The following GPC5 variants were observed in gnomAD, a reference collection of about 807,000 sequenced individuals.
GPC5 encodes the protein glypican 5.
GPC5 carries 47 observed loss-of-function variants against 53.9 expected under a neutral mutation model. That is an observed-to-expected ratio of 0.87 (90% CI 0.69 to 1.11). The LOEUF (loss-of-function observed/expected upper bound fraction) is 1.11, where lower values mean the gene tolerates loss of function less well. Among genes scored for constraint, GPC5 ranks in the 50% most tolerant of loss-of-function variants. The probability of loss-of-function intolerance (pLI) is 0.00; values close to 1 mark genes in which losing one functional copy is unlikely to be tolerated. For missense variants in GPC5, 748 were observed against 713.1 expected (o/e 1.05, Z -0.56); for synonymous variants, 286 against 263.3 (o/e 1.09, Z -0.84).
chr13:92,557,295 G>C (rs1428163656), intron 7 of GPC5, among the ~76,000 whole-genome samples: 1 of 151,940 alleles, frequency 6.6e-6, no homozygotes, highest in Non-Finnish European at 1.5e-5. Context: ...TTACCATGTT[G>C]ATGTGGTTAA....
chr13:92,837,755 T>C (rs1442624553), intron 7 of GPC5, among the ~76,000 whole-genome samples: 6 of 152,072 alleles, frequency 3.9e-5, no homozygotes, highest in African/African-American at 1.4e-4. Flanking sequence ...ACAGAAACTC[T>C]GGAAGGCTGG....
At chr13:92,524,877 A>C (rs970082952) in intron 7 of GPC5, among the ~76,000 whole-genome samples, 2 of 152,142 alleles carry the variant, frequency 1.3e-5, no homozygotes, top group Non-Finnish European at 2.9e-5. Flanking sequence ...GAATGAATTC[A>C]ACACAAGATA....
chr13:92,728,846 A>C (rs1888720783), intron 7 of GPC5, among the ~76,000 whole-genome samples: 1 of 151,416 alleles, frequency 6.6e-6, no homozygotes, highest in South Asian at 2.1e-4. Flanking sequence ...TAATTACTCA[A>C]TTTTAAAGTT....
chr13:92,507,106 T>C (rs1392780752), intron 7 of GPC5, among the ~76,000 whole-genome samples: 2 of 152,202 alleles, frequency 1.3e-5, no homozygotes, highest in East Asian at 3.9e-4. Context: ...TAATCATTTC[T>C]ACCCTTTCTT....
intron 7 of GPC5, among the ~76,000 whole-genome samples, chr13:92,350,015 A>T (rs2043462458): frequency 6.6e-6 from 1 of 152,192 alleles, no homozygotes; most frequent in Non-Finnish European, 1.5e-5. Context: ...ATTTATCAAC[A>T]CATTAAAGGG....
chr13:91,904,967 G>A (rs557539186), intron 5 of GPC5, among the ~76,000 whole-genome samples: 8 of 151,992 alleles, frequency 5.3e-5, no homozygotes, highest in Admixed American at 1.3e-4. Context: ...ATTGACTGAG[G>A]GGCAAATGCA....
At chr13:92,708,828 C>T (rs534549854) in intron 7 of GPC5, among the ~76,000 whole-genome samples, 1 of 140,700 alleles carries the variant, frequency 7.1e-6, no homozygotes, top group African/African-American at 2.7e-5. Flanking sequence ...TTTACATGTG[C>T]CTACTAGCAG....
At chr13:92,616,652 A>G (rs546730365) in intron 7 of GPC5, among the ~76,000 whole-genome samples, 123 of 152,318 alleles carry the variant, frequency 8.1e-4, no homozygotes, top group African/African-American at 2.9e-3. Flanking sequence ...TATTGGACAT[A>G]TTTATACAAA....
intron 2 of GPC5, among the ~76,000 whole-genome samples, chr13:91,513,296 T>A (rs1885329608): frequency 6.6e-6 from 1 of 152,184 alleles, no homozygotes; most frequent in Non-Finnish European, 1.5e-5. Flanking sequence ...ACTAGGATAA[T>A]AACATTGATA....
At chr13:92,821,242 C>G (rs747261872) in intron 7 of GPC5, among the ~76,000 whole-genome samples, 17 of 152,168 alleles carry the variant, frequency 1.1e-4, no homozygotes, top group Non-Finnish European at 1.9e-4. Context: ...TATTAATGCT[C>G]TGCATTCCAT....
intron 4 of GPC5, among the ~76,000 whole-genome samples, chr13:91,754,403 G>A (rs1365731874): frequency 1.3e-5 from 2 of 152,072 alleles, no homozygotes; most frequent in East Asian, 3.8e-4. Flanking sequence ...AAGAGGACTG[G>A]AAAAGAAAGA....
At chr13:91,870,849 T>A (rs1008679150) in intron 5 of GPC5, among the ~76,000 whole-genome samples, 15 of 152,214 alleles carry the variant, frequency 9.9e-5, no homozygotes, top group African/African-American at 1.4e-4. Context: ...CCGTGTTGCA[T>A]TTGGAAGGAA....
At chr13:92,287,929 G>A (rs9523594) in intron 7 of GPC5, among the ~76,000 whole-genome samples, 12,993 of 151,686 alleles carry the variant, frequency 0.086, 620 homozygotes, top group Middle Eastern at 0.12. Context: ...ACATCTCGTG[G>A]GCTCTGTTCA....
At chr13:92,608,558 A>T (rs1246157161) in intron 7 of GPC5, among the ~76,000 whole-genome samples, 2 of 152,300 alleles carry the variant, frequency 1.3e-5, no homozygotes, top group South Asian at 2.1e-4. Context: ...TTTGTAATAT[A>T]AATGCATTAT....
chr13:91,809,971 T>A (rs560936398), intron 5 of GPC5, among the ~76,000 whole-genome samples: 1 of 152,140 alleles, frequency 6.6e-6, no homozygotes, highest in South Asian at 2.1e-4. Context: ...GGATTCAGAT[T>A]TTTCTCAGGG....
At chr13:91,977,616 G>C (rs185950553) in intron 6 of GPC5, among the ~76,000 whole-genome samples, 4 of 152,016 alleles carry the variant, frequency 2.6e-5, no homozygotes, top group African/African-American at 7.3e-5. Context: ...ATGCAAAAAA[G>C]GGCATTCTAA....
rs533542133 is a variant in GPC5, at chr13:92,287,028, CT to C, written c.1561+142041del. Among the ~76,000 whole-genome samples, 361 of 152,280 alleles carry C rather than the reference CT, an allele frequency of 2.4e-3. 1 individual carries two copies. Among genetic ancestry groups the C allele is most frequent in the South Asian group, 0.021 (100 of 4,828 alleles). On this transcript the variant is annotated intron_variant, in intron 7 of 7. Transcript: ENST00000377067. Reference sequence around the variant, plus strand: ...ACCATGTTGTCACCTTTATCTTGGACTTGTAGCCTCCAGATCTACAGAGAAG... The same window carrying C: ...ACCATGTTGTCACCTTTATCTTGGACTGTAGCCTCCAGATCTACAGAGAAG...
chr13:92,191,279 T>A (rs2042221026), intron 7 of GPC5, among the ~76,000 whole-genome samples: 1 of 152,116 alleles, frequency 6.6e-6, no homozygotes, highest in Non-Finnish European at 1.5e-5. Context: ...TATAAAAACA[T>A]GTTCAACATC....
chr13:91,587,301 A>T (rs188335141), intron 2 of GPC5, among the ~76,000 whole-genome samples: 67 of 152,322 alleles, frequency 4.4e-4, no homozygotes, highest in Non-Finnish European at 2.2e-4. Context: ...TAAATCGAAG[A>T]TTACTGTTTT....
Sources: allele counts gnomAD v4.1 joint callset (sites outside exome capture counted in the v4.1 genomes callset), GRCh38; gene constraint gnomAD v4.1.1; transcripts MANE v1.5; gene names NCBI Gene and HGNC (gene_info 2026-07-23, HGNC 2026-07-21).